Variants in CNTNAP5 observed in about 807,000 individuals in gnomAD.
CNTNAP5 encodes the protein contactin associated protein family member 5.
A neutral mutation model predicts 150.2 loss-of-function variants in CNTNAP5; 72 were observed. The observed-to-expected ratio is 0.48, with a 90% confidence interval of 0.40 to 0.58. The LOEUF (loss-of-function observed/expected upper bound fraction) is 0.58, where lower values mean the gene tolerates loss of function less well. CNTNAP5 is among the 20% of genes least tolerant of loss of function. CNTNAP5 has a pLI of 0.00. For missense variants in CNTNAP5, 1,636 were observed against 1,626.2 expected, an observed-to-expected ratio of 1.01 and a Z score of -0.10; for synonymous variants, 672 against 619.8, an observed-to-expected ratio of 1.08 and a Z score of -1.25.
At chr2:124,313,745 G>A (rs908777224) in intron 3 of CNTNAP5, among the ~76,000 whole-genome samples, 4 of 152,164 alleles carry the variant, frequency 2.6e-5, no homozygotes. Context: ...CCCTAGGCAG[G>A]CCAGCCCATG....
At chr2:124,624,983 C>T (rs1309940076) in intron 12 of CNTNAP5, among the ~76,000 whole-genome samples, 1 of 152,152 alleles carries the variant, frequency 6.6e-6, no homozygotes, top group Non-Finnish European at 1.5e-5. Context: ...AAGCAACTAG[C>T]CCAAGGTCTC....
intron 14 of CNTNAP5, among the ~76,000 whole-genome samples, chr2:124,754,178 T>C (rs1387730071): frequency 1.3e-5 from 2 of 152,152 alleles, no homozygotes; most frequent in African/African-American, 2.4e-5. Context: ...GACCACATAG[T>C]ATCTTGAGAA....
intron 3 of CNTNAP5, among the ~76,000 whole-genome samples, chr2:124,368,484 A>T (rs1013330940): frequency 6.6e-6 from 1 of 152,308 alleles, no homozygotes; most frequent in Non-Finnish European, 1.5e-5. Context: ...ACAGAAATCT[A>T]TCTTAGAAAT....
chr2:124,149,451 G>T (rs1294030244), intron 1 of CNTNAP5, among the ~76,000 whole-genome samples: 1 of 143,256 alleles, frequency 7.0e-6, no homozygotes, highest in Non-Finnish European at 1.5e-5. Context: ...ACTTCATTCT[G>T]AGATCAGTTG....
chr2:124,025,705 T>A lies in CNTNAP5; in HGVS notation c.55T>A (p.Trp19Arg). ...SVLTLLFSGL[W>R]HLGLTATNYN... ...TTTGACTTTGCTGTTCTCTGGCTTG[T>A]GGCATTTAGGATTAACAGCGACAAA... The change falls in exon 1 of 24, where the codon TGG becomes AGG. Residue 19 changes from tryptophan to arginine, a missense_variant. By Grantham distance (101) the Trp-to-Arg change is moderately radical. Coordinates refer to ENST00000682447, the MANE Select transcript of CNTNAP5 (RefSeq NM_001367498.1). 1 of 1,613,620 alleles carries A rather than the reference T, an allele frequency of 6.2e-7. No homozygotes were observed. Among genetic ancestry groups the A allele is most frequent in the Non-Finnish European group, 8.5e-7 (1 of 1,179,768 alleles).
chr2:124,374,855 A>G (rs1025018236), intron 3 of CNTNAP5, among the ~76,000 whole-genome samples: 2 of 152,086 alleles, frequency 1.3e-5, no homozygotes, highest in Non-Finnish European at 2.9e-5. Context: ...AAGTAAGGCA[A>G]TACTGAAGAA....
At chr2:124,038,823 G>A (rs552688585) in intron 1 of CNTNAP5, among the ~76,000 whole-genome samples, 9 of 152,270 alleles carry the variant, frequency 5.9e-5, no homozygotes, top group African/African-American at 2.2e-4. Flanking sequence ...TCACGCAAAA[G>A]CAACTAGGTA....
intron 3 of CNTNAP5, among the ~76,000 whole-genome samples, chr2:124,311,537 A>T (rs1244011911): frequency 6.6e-6 from 1 of 152,166 alleles, no homozygotes; most frequent in Non-Finnish European, 1.5e-5. Flanking sequence ...TCCACCCTTA[A>T]TTACTTCCTA....
chr2:124,380,786 G>A (rs1289867709), intron 3 of CNTNAP5, among the ~76,000 whole-genome samples: 1 of 152,128 alleles, frequency 6.6e-6, no homozygotes, highest in Admixed American at 6.6e-5. Context: ...TTAGACTCTG[G>A]GGATAGAGCA....
intron 13 of CNTNAP5, among the ~76,000 whole-genome samples, chr2:124,676,063 T>C (rs1032595319): frequency 1.3e-5 from 2 of 152,214 alleles, no homozygotes. Context: ...TGATAAAATA[T>C]CTGTATTCAT....
intron 3 of CNTNAP5, among the ~76,000 whole-genome samples, chr2:124,297,687 AG>A (rs1459008629): frequency 3.9e-5 from 6 of 152,082 alleles, no homozygotes; most frequent in African/African-American, 9.6e-5. Context: ...CTGCCTTCAA[AG>A]GTCATGATTT....
At chr2:124,711,038 A>T (rs1327359939) in intron 13 of CNTNAP5, among the ~76,000 whole-genome samples, 1 of 152,056 alleles carries the variant, frequency 6.6e-6, no homozygotes, top group African/African-American at 2.4e-5. Context: ...TTTGGGAGGC[A>T]GAGGCGGGTG....
At chr2:124,775,658 A>G (rs1358008310) in intron 17 of CNTNAP5, among the ~76,000 whole-genome samples, 1 of 152,166 alleles carries the variant, frequency 6.6e-6, no homozygotes, top group Non-Finnish European at 1.5e-5. Context: ...GTCAATGCAT[A>G]CTGGATTTCC....
chr2:124,216,041 G>T (rs1317636884), intron 1 of CNTNAP5, among the ~76,000 whole-genome samples: 1 of 152,138 alleles, frequency 6.6e-6, no homozygotes, highest in African/African-American at 2.4e-5. Context: ...TATATAAAGT[G>T]AAAGGCTTGG....
intron 19 of CNTNAP5, among the ~76,000 whole-genome samples, chr2:124,844,033 A>G (rs1682997330): frequency 6.6e-6 from 1 of 151,506 alleles, no homozygotes; most frequent in African/African-American, 2.4e-5. Context: ...GCATATTTAT[A>G]TTTGCTTTTC....
At position 124,707,039 on chromosome 2, in the gene CNTNAP5, A is replaced by AAGG. The variant is rs775220057; in HGVS notation, c.2078-40169_2078-40167dup. On this transcript the variant is annotated intron_variant, in intron 13 of 23. Transcript: ENST00000682447. ...GGAGGAGAAGAAGAAGAAGAAGAAGAAGGAGGAGGAGGAGGAGGAGGAGAG... is the reference window on the plus strand; with the variant it reads ...GGAGGAGAAGAAGAAGAAGAAGAAGAAGGAGGAGGAGGAGGAGGAGGAGGAGAG... Among the ~76,000 whole-genome samples, 562 of 82,006 alleles carry AAGG rather than the reference A, an allele frequency of 6.9e-3. 49 individuals are homozygous for AAGG. The highest frequency in any genetic ancestry group is 0.012 in the Middle Eastern group (2 of 164). The allele number at this position is 82,006 out of a possible 152,430, so 53.8% of individuals were successfully genotyped here.
At position 124,916,941 on chromosome 2, in the gene CNTNAP5, C is replaced by T. The variant is rs1678781064; in HGVS notation, c.*2653C>T. Among the ~76,000 whole-genome samples the T allele has an allele frequency of 6.6e-6, 1 of 151,960 alleles. No homozygotes were observed. Among genetic ancestry groups the T allele is most frequent in the Non-Finnish European group, 1.5e-5 (1 of 67,966 alleles). On this transcript the variant is annotated 3_prime_UTR_variant, in exon 24 of 24. Transcript: ENST00000682447. ...TATATGAAATGCAAGTGATCCGTAC[C>T]CTCCAAAGTAGAATGTAATTTACAA...
At chr2:124,504,189 A>G (rs557779708) in intron 7 of CNTNAP5, 103 bp from the exon 8 acceptor site, 1 of 1,164,566 alleles carries the variant, frequency 8.6e-7, no homozygotes, top group Admixed American at 2.1e-5. Context: ...TGAATGTGGA[A>G]TGATCCTGAA....
intron 3 of CNTNAP5, among the ~76,000 whole-genome samples, chr2:124,312,615 G>A (rs1688858949): frequency 6.6e-6 from 1 of 152,202 alleles, no homozygotes; most frequent in South Asian, 2.1e-4. Context: ...CTTTCGCCCA[G>A]GCCGGACTGC....
Sources: gnomAD v4.1 joint callset for allele counts (sites outside exome capture counted in the v4.1 genomes callset) on GRCh38, gnomAD v4.1.1 for gene constraint, MANE v1.5 for transcripts, NCBI Gene and HGNC (gene_info 2026-07-23, HGNC 2026-07-21) for gene names.